FBN2: variants seen among roughly 807,000 people sequenced by gnomAD.
FBN2 encodes the protein fibrillin 2, also known as fibrillin-2.
FBN2 carries 105 observed loss-of-function variants against 355.6 expected under a neutral mutation model. That is an observed-to-expected ratio of 0.30 (90% CI 0.25 to 0.35). The LOEUF (loss-of-function observed/expected upper bound fraction) is 0.35. FBN2 is among the 10% of genes least tolerant of loss of function. FBN2 has a pLI of 1.00. For missense variants in FBN2, 3,280 were observed against 3,758.7 expected (o/e 0.87, Z 3.33); for synonymous variants, 1,350 against 1,301.2 (o/e 1.04, Z -0.81).
At chr5:128,534,498 T>C (rs1396209977) in intron 2 of FBN2, among the ~76,000 whole-genome samples, 1 of 152,324 alleles carries the variant, frequency 6.6e-6, no homozygotes, top group East Asian at 1.9e-4. Flanking sequence ...TTAGATGTGT[T>C]TCTAATAAAT....
chr5:128,428,154 T>C (rs1054003592), intron 7 of FBN2, among the ~76,000 whole-genome samples: 1 of 152,220 alleles, frequency 6.6e-6, no homozygotes, highest in Non-Finnish European at 1.5e-5. Flanking sequence ...TACCATCAAG[T>C]CTCACTTAGA....
At chr5:128,387,965 GTGT>G (rs1412726129) in intron 11 of FBN2, among the ~76,000 whole-genome samples, 1 of 152,044 alleles carries the variant, frequency 6.6e-6, no homozygotes, top group Non-Finnish European at 1.5e-5. Flanking sequence ...CACTATTATT[GTGT>G]TGTTATCTAC....
chr5:128,446,611 A>C lies in FBN2; in HGVS notation c.827-5T>G, dbSNP rs1293228347. On this transcript the variant is annotated splice_polypyrimidine_tract_variant and splice_region_variant and intron_variant, in intron 6 of 64. Transcript: ENST00000262464. ...TAGCCTGGCATTCATCAACATCTGC[A>C]AGAAGAAAACATTTTGAACACAGAT... 1 of 1,613,436 alleles carries C rather than the reference A, an allele frequency of 6.2e-7. No homozygotes were observed.
At chr5:128,477,835 T>G (rs1012072014) in intron 5 of FBN2, among the ~76,000 whole-genome samples, 1 of 152,216 alleles carries the variant, frequency 6.6e-6, no homozygotes, top group African/African-American at 2.4e-5. Context: ...TTATCCATGT[T>G]TGATCAATAG....
chr5:128,410,337 A>C lies in FBN2; in HGVS notation c.953-1538T>G, dbSNP rs142343098. ...TGAGCATGGATTCAAAAGAGAGATG[A>C]AACTAAACAGCTGTACTTTAATTAC... On this transcript the variant is annotated intron_variant, in intron 7 of 64. Coordinates refer to ENST00000262464, the MANE Select transcript of FBN2 (RefSeq NM_001999.4). 8.1e-3 allele frequency among the ~76,000 whole-genome samples: 1,227 copies of C among 152,346 alleles called. 13 individuals are homozygous for C. Among genetic ancestry groups the C allele is most frequent in the African/African-American group, 0.028 (1,178 of 41,568 alleles).
intron 48 of FBN2, among the ~76,000 whole-genome samples, chr5:128,299,421 C>T (rs575143304): frequency 7.1e-6 from 1 of 139,866 alleles, no homozygotes; most frequent in African/African-American, 2.8e-5. Flanking sequence ...GGTGGGCGCC[C>T]CTCCCCCAGC....
Position 128,408,755 on chromosome 5 carries a change from C to G in FBN2, c.997G>C (p.Glu333Gln). 3.1e-6 allele frequency: 5 copies of G among 1,613,948 alleles called. No individual in the cohort carries two copies. The highest frequency in any genetic ancestry group is 4.2e-6 in the Non-Finnish European group (5 of 1,179,866). The change falls in exon 8 of 65, where the codon GAA becomes CAA. Residue 333 changes from glutamate (E) to glutamine (Q), a missense_variant. Glu to Gln is a conservative substitution (Grantham distance 29). Transcript: ENST00000262464. Reference protein sequence around the residue: ...SIIPGICETGECSNTVGSYFC... With the variant: ...SIIPGICETGQCSNTVGSYFC... ...TAGCTTCCCACGGTGTTGGAACATT[C>G]ACCAGTTTCACATATCCCAGGAATG...
At chr5:128,319,092 C>A in intron 34 of FBN2, 91 bp from the exon 35 acceptor site, 1 of 1,070,592 alleles carries the variant, frequency 9.3e-7, no homozygotes. Context: ...TTTCTGCCCC[C>A]TCAGATGTTT....
At chr5:128,392,205 C>A (rs1423930809) in intron 10 of FBN2, 50 bp from the exon 11 acceptor site, 6 of 1,534,372 alleles carry the variant, frequency 3.9e-6, no homozygotes, top group Non-Finnish European at 5.4e-6. Flanking sequence ...ACATGCATTA[C>A]TTTTCTGAAT....
rs1384693493 is a variant in FBN2 at position 128,345,579 on chromosome 5, G to A, written c.2995C>T (p.Arg999Cys). Reference protein sequence around the residue: ...DGTGRVCLDIRMEQCYLKWDE... With the variant: ...DGTGRVCLDICMEQCYLKWDE... ...CACTTCAAGTAACACTGCTCCATGC[G>A]AATATCTACACCGAGAACGAAATCA... Residue 999 changes from arginine (R) to cysteine (C), a missense_variant, in exon 24 of 65, where the codon CGC becomes TGC. This residue lies in a region of FBN2 where 2,284 missense variants were observed against 2,749.5 expected (regional missense o/e 0.83). Transcript: ENST00000262464. 1.2e-6 allele frequency: 2 copies of A among 1,611,180 alleles called. No homozygotes were observed. The highest frequency in any genetic ancestry group is 1.3e-5 in the African/African-American group (1 of 74,334).
In FBN2 at chr5:128,527,975, G is replaced by C. The variant is rs1194991212; in HGVS notation, c.437-8C>G. The stretch of plus-strand genomic sequence containing the variant: ...TCACACTGCACTGCTGAACTGCAAA[G>C]AGCAATAACAAAAAGTATAAAAACA... On this transcript the variant is annotated splice_region_variant and splice_polypyrimidine_tract_variant and intron_variant, in intron 3 of 64. Coordinates refer to ENST00000262464, the MANE Select transcript of FBN2 (RefSeq NM_001999.4). 6.3e-7 allele frequency: 1 copy of C among 1,594,418 alleles called. No homozygotes were observed.
At chr5:128,531,134 A>G (rs1209088855) in intron 2 of FBN2, among the ~76,000 whole-genome samples, 1 of 152,172 alleles carries the variant, frequency 6.6e-6, no homozygotes, top group Non-Finnish European at 1.5e-5. Context: ...ACAAGTGGAT[A>G]AAGAAACTGT....
At chr5:128,319,767 G>A (rs1750319734) in intron 34 of FBN2, among the ~76,000 whole-genome samples, 1 of 152,146 alleles carries the variant, frequency 6.6e-6, no homozygotes, top group Non-Finnish European at 1.5e-5. Context: ...CTCAAAGTTA[G>A]TAAATATGAA....
At chr5:128,295,582 T>C (rs1466711668) in intron 48 of FBN2, among the ~76,000 whole-genome samples, 1 of 135,790 alleles carries the variant, frequency 7.4e-6, no homozygotes, top group Non-Finnish European at 1.6e-5. Flanking sequence ...CTAGGTATTT[T>C]ATTCTCTTTG....
intron 29 of FBN2, 77 bp downstream of exon 29, chr5:128,335,378 C>G: frequency 6.2e-7 from 1 of 1,611,294 alleles, no homozygotes; most frequent in Non-Finnish European, 8.5e-7. Flanking sequence ...TCTGGTTCCA[C>G]TTGGTAATAT....
At chr5:128,344,346 A>G (rs375204015) in intron 25 of FBN2, 39 bp downstream of exon 25, 7 of 1,610,136 alleles carry the variant, frequency 4.3e-6, no homozygotes, top group Non-Finnish European at 6.0e-6. Context: ...AAGGAAAGAC[A>G]GCCAGAGTTT....
chr5:128,353,100 T>C (rs180681976), intron 20 of FBN2, among the ~76,000 whole-genome samples: 18 of 151,626 alleles, frequency 1.2e-4, no homozygotes, highest in Admixed American at 9.9e-4. Flanking sequence ...CTGAGCCCCG[T>C]AGGCAGAGGC....
intron 34 of FBN2, among the ~76,000 whole-genome samples, chr5:128,325,509 C>G (rs1028938242): frequency 2.0e-5 from 3 of 152,142 alleles, no homozygotes; most frequent in Admixed American, 6.5e-5. Flanking sequence ...TGTCTTTGCA[C>G]GTGAGATGCG....
At chr5:128,463,135 T>C (rs1754604367) in intron 6 of FBN2, among the ~76,000 whole-genome samples, 2 of 152,104 alleles carry the variant, frequency 1.3e-5, no homozygotes, top group Non-Finnish European at 2.9e-5. Context: ...TTATTTTTAA[T>C]AATAATCTAT....
Sources: allele counts gnomAD v4.1 joint callset (sites outside exome capture counted in the v4.1 genomes callset), GRCh38; gene constraint gnomAD v4.1.1; regional missense constraint gnomAD v4.1.1; transcripts MANE v1.5; gene names NCBI Gene and HGNC (gene_info 2026-07-23, HGNC 2026-07-21).